The following L1TD1 variants were observed in gnomAD, a reference collection of about 807,000 sequenced individuals.
L1TD1 encodes the protein LINE-1 type transposase domain-containing protein 1.
Under a neutral mutation model 25.7 loss-of-function variants are expected in L1TD1, and 26 were observed. The observed-to-expected ratio is 1.01, with a 90% CI of 0.74 to 1.40. The LOEUF (loss-of-function observed/expected upper bound fraction) is 1.40. Ranked by LOEUF, L1TD1 falls within the 40% of genes most tolerant of loss-of-function variation. The probability of loss-of-function intolerance (pLI) is 0.00; values close to 1 mark genes in which losing one functional copy is unlikely to be tolerated. For missense variants in L1TD1, 1,130 were observed against 975.0 expected, an observed-to-expected ratio of 1.16 and a Z score of -2.12; for synonymous variants, 421 against 335.6, an observed-to-expected ratio of 1.25 and a Z score of -2.78.
chr1:62,196,741 T>C (rs968484533), intron 2 of L1TD1, among the ~76,000 whole-genome samples: 2 of 152,054 alleles, frequency 1.3e-5, no homozygotes, highest in Non-Finnish European at 2.9e-5. Context: ...TACAGGCGCC[T>C]GCCATTATAC....
chr1:62,210,709 T>A lies in L1TD1; in HGVS notation c.1935T>A (p.Ile645=). Residue 645 remains isoleucine (I), a synonymous_variant, in exon 4 of 4, where the codon ATT becomes ATA. Coordinates refer to ENST00000498273, the MANE Select transcript of L1TD1 (RefSeq NM_019079.5). The part of the protein sequence containing the change: ...LKSSHSGVLE[I]ENSVDDLSSR... ...GTTCCCATTCAGGTGTCTTGGAAAT[T>A]GAAAATTCAGTAGATGATCTGAGTA... 6.4e-7 allele frequency: 1 copy of A among 1,551,932 alleles called. No homozygotes were observed. The highest frequency in any genetic ancestry group is 8.7e-7 in the Non-Finnish European group (1 of 1,147,080).
At chr1:62,198,928 C>G (rs1205888164) in intron 2 of L1TD1, among the ~76,000 whole-genome samples, 1 of 151,940 alleles carries the variant, frequency 6.6e-6, no homozygotes, top group Non-Finnish European at 1.5e-5. Context: ...ACCTTGAACT[C>G]CTGGGCTCAA....
In L1TD1 at chr1:62,208,831, TCTC is replaced by T. The variant is rs1280767938; in HGVS notation, c.1009-948_1009-946del. ...TTTTACATGTTTTCAAATGAACGCT[TCTC>T]CTCTGCCTTTCCAACATTTCCAAGT... is the stretch of plus-strand genomic sequence containing the variant. On this transcript the variant is annotated intron_variant, in intron 3 of 3. Coordinates refer to ENST00000498273, the MANE Select transcript of L1TD1 (RefSeq NM_019079.5). Among the ~76,000 whole-genome samples, 10 of 152,320 alleles carry T rather than the reference TCTC, an allele frequency of 6.6e-5. No homozygotes were observed. The South Asian group carries it at 1.4e-3, about 22-fold the overall frequency.
chr1:62,207,652 T>C lies in L1TD1; in HGVS notation c.1008+16T>C, dbSNP rs924281510. The C allele has an allele frequency of 4.0e-6, 6 of 1,500,368 alleles. No individual in the cohort carries two copies. Among genetic ancestry groups the C allele is most frequent in the African/African-American group, 1.4e-5 (1 of 70,722 alleles). The allele number at this position is 1,500,368 out of a possible 1,614,324, so 92.9% of individuals were successfully genotyped here. A position where few individuals can be genotyped will look rare whatever the true frequency, so the allele number is the denominator to read the frequency against. ...AGAAAAAAGGGTAAGCATACAAATG[T>C]ATAAATGTATAAAGCTTATGTATAA... is the stretch of plus-strand genomic sequence containing the variant. On this transcript the variant is annotated intron_variant, in intron 3 of 3. Transcript: ENST00000498273.
intron 2 of L1TD1, among the ~76,000 whole-genome samples, chr1:62,206,262 C>T (rs546871748): frequency 1.2e-4 from 19 of 152,174 alleles, no homozygotes; most frequent in African/African-American, 4.6e-4. Flanking sequence ...AATAGTATGG[C>T]AAATCAGACA....
chr1:62,210,388 A>C lies in L1TD1; in HGVS notation c.1614A>C (p.Thr538=). The C allele has an allele frequency of 1.2e-6, 2 of 1,614,024 alleles. No individual in the cohort carries two copies. The highest frequency in any genetic ancestry group is 1.7e-6 in the Non-Finnish European group (2 of 1,180,006). The change falls in exon 4 of 4, where the codon ACA becomes ACC. Residue 538 remains threonine (T), a synonymous_variant. Coordinates refer to ENST00000498273, the MANE Select transcript of L1TD1 (RefSeq NM_019079.5). Reference sequence around the variant, plus strand: ...ACAAAACCCAGGAGGAAGAGGAAACAGCTGTGCCCACAAGTCAAGGAACTG... The same window carrying C: ...ACAAAACCCAGGAGGAAGAGGAAACCGCTGTGCCCACAAGTCAAGGAACTG... The part of the protein sequence containing the change: ...VVHKTQEEEE[T]AVPTSQGTGT...
In L1TD1 at chr1:62,207,056, G is replaced by A; in HGVS notation, c.428G>A (p.Ser143Asn). ...LTFKLEVNEL[S>N]GKLDNTNEYN... is the part of the protein sequence containing the mutation. ...TTTAAATTAGAAGTAAATGAGCTGAGTGGTAAATTAGACAACACTAACGAA... is the reference window on the plus strand; with the variant it reads ...TTTAAATTAGAAGTAAATGAGCTGAATGGTAAATTAGACAACACTAACGAA... Residue 143 changes from serine (S) to asparagine (N), a missense_variant, in exon 3 of 4, where the codon AGT (serine) becomes AAT (asparagine). By Grantham distance (46) the Ser-to-Asn change is conservative. Transcript: ENST00000498273. 6.2e-7 allele frequency: 1 copy of A among 1,613,976 alleles called. No homozygotes were observed. The highest frequency in any genetic ancestry group is 8.5e-7 in the Non-Finnish European group (1 of 1,179,964).
chr1:62,211,153 AGCAGACTTATCACTG>A lies in L1TD1; in HGVS notation c.2381_2395del (p.Ala794_Leu798del). 1 of 1,550,588 alleles carries A rather than the reference AGCAGACTTATCACTG, an allele frequency of 6.4e-7. No homozygotes were observed. The highest frequency in any genetic ancestry group is 8.7e-7 in the Non-Finnish European group (1 of 1,146,736). On this transcript the variant is annotated inframe_deletion, in exon 4 of 4. Transcript: ENST00000498273. Reference sequence around the variant, plus strand: ...ACCAAGGAACAAGAATCAGGTTGACAGCAGACTTATCACTGGACACACTGGATGCTAGAAGTAAAT... The same window carrying A: ...ACCAAGGAACAAGAATCAGGTTGACAGACACACTGGATGCTAGAAGTAAAT...
chr1:62,207,038 T>C lies in L1TD1; in HGVS notation c.410T>C (p.Leu137Ser). Residue 137 changes from leucine (L) to serine (S), a missense_variant, in exon 3 of 4, where the codon TTA becomes TCA. Physicochemically the swap from Leu to Ser is moderately radical, Grantham distance 145 (BLOSUM62 -2). Transcript: ENST00000498273. ...GATAATGAAAATTTAACCTTTAAAT[T>C]AGAAGTAAATGAGCTGAGTGGTAAA... ...GDDNENLTFKLEVNELSGKLD... is the reference protein window; with the variant it reads ...GDDNENLTFKSEVNELSGKLD... 2 of 1,613,564 alleles carry C rather than the reference T, an allele frequency of 1.2e-6. No homozygotes were observed. Among genetic ancestry groups the C allele is most frequent in the African/African-American group, 1.3e-5 (1 of 74,980 alleles).
chr1:62,209,732 C>A, intron 3 of L1TD1, 51 bp from the exon 4 acceptor site: 2 of 1,331,418 alleles, frequency 1.5e-6, no homozygotes, highest in South Asian at 3.2e-5. Context: ...CTTTAAAAGA[C>A]AAATGATTTA....
At chr1:62,207,672 G>C (rs572870452) in intron 3 of L1TD1, 36 bp downstream of exon 3, 1 of 1,463,346 alleles carries the variant, frequency 6.8e-7, no homozygotes, top group South Asian at 1.5e-5. Flanking sequence ...TAAAGCTTAT[G>C]TATAAATGTA....
chr1:62,208,670 G>A (rs1175930240), intron 3 of L1TD1, among the ~76,000 whole-genome samples: 1 of 152,040 alleles, frequency 6.6e-6, no homozygotes. Context: ...ATAGAGACGA[G>A]GTTTTGCCAT....
rs2457828 is a variant in L1TD1, at chr1:62,207,615, A to C, written c.987A>C (p.Lys329Asn). 222,415 of 1,535,926 alleles carry C rather than the reference A, an allele frequency of 0.14. 17,674 individuals carry two copies. Among genetic ancestry groups the C allele is most frequent in the Non-Finnish European group, 0.16 (181,460 of 1,141,368 alleles). The part of the protein sequence containing the change: ...QKEEINQGGR[K>N]YGIQEKRDKT... The stretch of plus-strand genomic sequence containing the variant: ...AAGAAATAAATCAAGGAGGAAGAAA[A>C]TATGGAATTCAAGAAAAAAGGGTAA... The change falls in exon 3 of 4, where the codon AAA becomes AAC. Residue 329 changes from lysine (K) to asparagine (N), a missense_variant. By Grantham distance (94) the Lys-to-Asn change is moderately conservative. Coordinates refer to ENST00000498273, the MANE Select transcript of L1TD1 (RefSeq NM_019079.5).
At chr1:62,203,069 A>G (rs1570924415) in intron 2 of L1TD1, among the ~76,000 whole-genome samples, 1 of 151,366 alleles carries the variant, frequency 6.6e-6, no homozygotes, top group Admixed American at 6.6e-5. Context: ...CAATCCGCTC[A>G]CTCACCTCGG....
chr1:62,211,299 G>C lies in L1TD1; in HGVS notation c.2525G>C (p.Ser842Thr). 1 of 1,613,268 alleles carries C rather than the reference G, an allele frequency of 6.2e-7. No homozygotes were observed. The highest frequency in any genetic ancestry group is 8.5e-7 in the Non-Finnish European group (1 of 1,179,708). The change falls in exon 4 of 4, where the codon AGT becomes ACT. Residue 842 changes from serine (S) to threonine (T), a missense_variant. Coordinates refer to ENST00000498273, the MANE Select transcript of L1TD1 (RefSeq NM_019079.5). ...DFRGKTKVFL[S>T]IEEFRDYVLH... ...AGGGGTAAAACAAAGGTATTTCTTA[G>C]TATTGAAGAATTTAGAGATTATGTT...
In L1TD1 at chr1:62,210,570, C is replaced by T. The variant is rs1670846007; in HGVS notation, c.1796C>T (p.Thr599Ile). The T allele has an allele frequency of 6.2e-7, 1 of 1,613,108 alleles. No homozygotes were observed. The highest frequency in any genetic ancestry group is 1.3e-5 in the African/African-American group (1 of 74,888). ...GAAAAGAAACACAGAACTCTGCACA[C>T]AGAAGAACTAACATCCAAAGAAGCA... ...TEEKKHRTLH[T>I]EELTSKEADL... The change falls in exon 4 of 4, where the codon ACA becomes ATA. Residue 599 changes from threonine to isoleucine, a missense_variant. Transcript: ENST00000498273.
intron 2 of L1TD1, among the ~76,000 whole-genome samples, chr1:62,202,613 C>T (rs1433054728): frequency 7.2e-6 from 1 of 139,554 alleles, no homozygotes; most frequent in Non-Finnish European, 1.5e-5. Context: ...CAGAGGCTTA[C>T]TCTGTAGCCC....
rs1248222862 is a variant in L1TD1 at position 62,206,078 on chromosome 1, CTTAATG to C, written c.-110-436_-110-431del. On this transcript the variant is annotated intron_variant, in intron 2 of 3. Transcript: ENST00000498273. ...TTGATAATTGGTTTTCAGAAAAAGT[CTTAATG>C]TTAACAATCTCTGCAATTCAAAAGG... Among the ~76,000 whole-genome samples the C allele has an allele frequency of 3.3e-5, 5 of 152,158 alleles. No homozygotes were observed. In the East Asian group the frequency reaches 9.6e-4, roughly 29 times the overall value.
chr1:62,203,278 C>T (rs1670677064), intron 2 of L1TD1, among the ~76,000 whole-genome samples: 1 of 152,164 alleles, frequency 6.6e-6, no homozygotes, highest in Non-Finnish European at 1.5e-5. Context: ...TCCAATTATA[C>T]TGTTTAAGTA....
Sources: gnomAD v4.1 joint callset for allele counts (sites outside exome capture counted in the v4.1 genomes callset) on GRCh38, gnomAD v4.1.1 for gene constraint, MANE v1.5 for transcripts, NCBI Gene and HGNC (gene_info 2026-07-23, HGNC 2026-07-21) for gene names.